RSF1: variants seen among roughly 807,000 people sequenced by gnomAD.
RSF1 encodes remodeling and spacing factor 1.
In RSF1, 13 loss-of-function variants were observed where a neutral mutation model predicts 145.2. That is an observed-to-expected ratio of 0.09 (90% CI 0.06 to 0.14). RSF1 has a LOEUF of 0.14. Ranked by LOEUF, RSF1 falls within the 10% of genes least tolerant of loss-of-function variation. The pLI, the probability that RSF1 is intolerant of heterozygous loss-of-function variation, is 1.00. For missense variants in RSF1, 1,517 were observed against 1,718.2 expected (o/e 0.88, Z 2.07); for synonymous variants, 577 against 592.6 (o/e 0.97, Z 0.38).
chr11:77,812,483 A>G (rs1343838282), intron 1 of RSF1, among the ~76,000 whole-genome samples: 1 of 152,208 alleles, frequency 6.6e-6, no homozygotes, highest in Non-Finnish European at 1.5e-5. Context: ...CATGAGCCAT[A>G]TATACATTAT....
At chr11:77,842,606 A>T in the RSF1 span, 210 of 1,613,940 alleles carry the variant, frequency 1.3e-4, 2 homozygotes, top group South Asian at 1.8e-3. Flanking sequence ...CGGACTTGGG[A>T]TTGGAGAGAA....
intron 7 of RSF1, among the ~76,000 whole-genome samples, chr11:77,696,136 C>T (rs898822551): frequency 6.6e-6 from 1 of 152,174 alleles, no homozygotes; most frequent in South Asian, 2.1e-4. Flanking sequence ...CAATTTATCA[C>T]ATAGTTTCTA....
rs1960422797 is a variant in RSF1 at position 77,701,531 on chromosome 11, A to C, written c.1698T>G (p.Gly566=). The C allele has an allele frequency of 6.2e-7, 1 of 1,613,638 alleles. No homozygotes were observed. Among genetic ancestry groups the C allele is most frequent in the Non-Finnish European group, 8.5e-7 (1 of 1,179,878 alleles). ...LSSTESCTMK[G]EEKSPKTKKD... ...TCTTAGTTTTGGGAGACTTCTCTTCACCTTTCATGGTACACGACTCGGTGG... is the reference window on the plus strand; with the variant it reads ...TCTTAGTTTTGGGAGACTTCTCTTCCCCTTTCATGGTACACGACTCGGTGG... Residue 566 remains glycine, a synonymous_variant, in exon 6 of 16, where the codon GGT becomes GGG. Transcript: ENST00000308488.
intron 7 of RSF1, among the ~76,000 whole-genome samples, chr11:77,697,698 T>C (rs1387606810): frequency 6.6e-6 from 1 of 151,272 alleles, no homozygotes; most frequent in Non-Finnish European, 1.5e-5. Flanking sequence ...AAAAAAATTT[T>C]TTATGTTAAA....
intron 2 of RSF1, among the ~76,000 whole-genome samples, chr11:77,761,455 A>G (rs1418655488): frequency 6.6e-6 from 1 of 151,976 alleles, no homozygotes; most frequent in South Asian, 2.1e-4. Context: ...GATTTCTTTT[A>G]AGGGATAATT....
At chr11:77,719,170 G>A (rs763569942) in intron 5 of RSF1, among the ~76,000 whole-genome samples, 4 of 152,114 alleles carry the variant, frequency 2.6e-5, no homozygotes, top group Admixed American at 6.5e-5. Context: ...GGAAATGGAG[G>A]TTACAGTGAG....
At chr11:77,726,983 G>C (rs1057453168) in intron 4 of RSF1, among the ~76,000 whole-genome samples, 1 of 152,108 alleles carries the variant, frequency 6.6e-6, no homozygotes, top group Admixed American at 6.5e-5. Flanking sequence ...CAGTAAAATT[G>C]CCACTGATAA....
chr11:77,818,793 A>G (rs1948806945), intron 1 of RSF1, among the ~76,000 whole-genome samples: 1 of 152,214 alleles, frequency 6.6e-6, no homozygotes, highest in Admixed American at 6.5e-5. Context: ...AACAAATAAA[A>G]ATAAAAAATA....
intron 9 of RSF1, among the ~76,000 whole-genome samples, chr11:77,688,034 TA>T (rs2135833953): frequency 6.6e-6 from 1 of 152,320 alleles, no homozygotes; most frequent in South Asian, 2.1e-4. Context: ...CTCATGACTG[TA>T]ATCCCAGCAC....
intron 5 of RSF1, among the ~76,000 whole-genome samples, chr11:77,709,556 A>G (rs1960630887): frequency 6.6e-6 from 1 of 152,228 alleles, no homozygotes; most frequent in Middle Eastern, 3.2e-3. Flanking sequence ...AAATGTCAAC[A>G]GACTTAACAG....
At chr11:77,827,123 T>C in the RSF1 span, among the ~76,000 whole-genome samples, 3 of 151,086 alleles carry the variant, frequency 2.0e-5, no homozygotes, top group Non-Finnish European at 1.5e-5. Context: ...AAAAATCGAA[T>C]TGGGAATTTG....
the RSF1 span, among the ~76,000 whole-genome samples, chr11:77,862,106 C>T: frequency 1.3e-5 from 2 of 152,234 alleles, no homozygotes; most frequent in African/African-American, 4.8e-5. Context: ...CCTTCTAGCA[C>T]GCAAGGTAGC....
At chr11:77,684,845 G>A (rs1024740712) in intron 10 of RSF1, among the ~76,000 whole-genome samples, 12 of 152,032 alleles carry the variant, frequency 7.9e-5, no homozygotes, top group African/African-American at 2.7e-4. Flanking sequence ...AAAATTAGCC[G>A]GTATGGTGGC....
intron 1 of RSF1, among the ~76,000 whole-genome samples, chr11:77,812,480 C>A (rs962570154): frequency 6.6e-6 from 1 of 152,182 alleles, no homozygotes; most frequent in South Asian, 2.1e-4. Flanking sequence ...TTACATGAGC[C>A]ATATATACAT....
intron 3 of RSF1, among the ~76,000 whole-genome samples, chr11:77,742,271 A>C (rs1196538059): frequency 6.6e-6 from 1 of 152,030 alleles, no homozygotes; most frequent in Non-Finnish European, 1.5e-5. Flanking sequence ...ATCAGCGTGC[A>C]AGGGTTCCCT....
At chr11:77,743,494 G>T (rs1947964497) in intron 3 of RSF1, among the ~76,000 whole-genome samples, 1 of 152,020 alleles carries the variant, frequency 6.6e-6, no homozygotes, top group South Asian at 2.1e-4. Context: ...TAATGAATTG[G>T]TTTTTATAAT....
At position 77,781,170 on chromosome 11, in the gene RSF1, G is replaced by A. The variant is rs1045409587; in HGVS notation, c.188-16481C>T. On this transcript the variant is annotated intron_variant, in intron 1 of 15. Coordinates refer to ENST00000308488, the MANE Select transcript of RSF1 (RefSeq NM_016578.4). ...GGCTGGAGTGCAGTGGCTCGATTTC[G>A]GCTCATTGCAACCTTCACCTCCTGG... 9.2e-4 allele frequency among the ~76,000 whole-genome samples: 139 copies of A among 151,700 alleles called. 2 individuals are homozygous for A. The highest frequency in any genetic ancestry group is 1.8e-3 in the Non-Finnish European group (119 of 67,938).
At chr11:77,694,417 C>G (rs76231907) in intron 7 of RSF1, among the ~76,000 whole-genome samples, 3,087 of 152,288 alleles carry the variant, frequency 0.02, 88 homozygotes, top group African/African-American at 0.069. Context: ...GAACCGTCAT[C>G]ATGTAATACA....
chr11:77,845,041 T>G, the RSF1 span, among the ~76,000 whole-genome samples: 1 of 152,196 alleles, frequency 6.6e-6, no homozygotes, highest in Admixed American at 6.5e-5. Flanking sequence ...TCAAAACACA[T>G]CACAGTAATT....
Sources: allele counts gnomAD v4.1 joint callset (sites outside exome capture counted in the v4.1 genomes callset), GRCh38; gene constraint gnomAD v4.1.1; transcripts MANE v1.5; gene names NCBI Gene and HGNC (gene_info 2026-07-23, HGNC 2026-07-21).